PALM2AKAP2: variants seen among roughly 807,000 people sequenced by gnomAD.
PALM2AKAP2 encodes PALM2 and AKAP2 fusion.
A neutral mutation model predicts 71.5 loss-of-function variants in PALM2AKAP2; 37 were observed. That is an observed-to-expected ratio of 0.52 (90% CI 0.40 to 0.68). PALM2AKAP2 has a LOEUF of 0.68. Among genes scored for constraint, PALM2AKAP2 ranks in the 30% least tolerant of loss-of-function variants. The pLI, the probability that PALM2AKAP2 is intolerant of heterozygous loss-of-function variation, is 0.00. For synonymous variants in PALM2AKAP2, 468 were observed against 478.8 expected, an observed-to-expected ratio of 0.98 and a Z score of 0.29; for missense variants, 1,224 against 1,191.8, an observed-to-expected ratio of 1.03 and a Z score of -0.40.
chr9:110,074,303 A>G (rs1306303690), intron 1 of PALM2AKAP2, among the ~76,000 whole-genome samples: 1 of 152,182 alleles, frequency 6.6e-6, no homozygotes, highest in Non-Finnish European at 1.5e-5. Context: ...TCTAGGCAAT[A>G]TGGTGAGAGC....
At chr9:110,115,286 C>A (rs1835338905) in intron 1 of PALM2AKAP2, among the ~76,000 whole-genome samples, 1 of 152,174 alleles carries the variant, frequency 6.6e-6, no homozygotes, top group Admixed American at 6.5e-5. Context: ...AGGGCTGGGG[C>A]AGAATCACAG....
At chr9:110,049,689 G>A (rs963571784) in intron 1 of PALM2AKAP2, among the ~76,000 whole-genome samples, 4 of 152,200 alleles carry the variant, frequency 2.6e-5, no homozygotes, top group Non-Finnish European at 5.9e-5. Flanking sequence ...CCGTGGAGGC[G>A]ACGCGCCTGC....
intron 6 of PALM2AKAP2, among the ~76,000 whole-genome samples, chr9:109,999,077 G>A (rs539003708): frequency 1.4e-4 from 22 of 152,206 alleles, no homozygotes; most frequent in Admixed American, 2.0e-4. Flanking sequence ...GGTGGCTCAC[G>A]CCTGTAATCT....
At chr9:109,982,744 C>T (rs1050439536) in intron 6 of PALM2AKAP2, among the ~76,000 whole-genome samples, 2 of 152,168 alleles carry the variant, frequency 1.3e-5, no homozygotes, top group African/African-American at 2.4e-5. Context: ...CCAGCTTCAG[C>T]CTCCCAAGTA....
chr9:109,952,387 T>C (rs2132083208), intron 6 of PALM2AKAP2, among the ~76,000 whole-genome samples: 1 of 152,356 alleles, frequency 6.6e-6, no homozygotes, highest in East Asian at 1.9e-4. Flanking sequence ...GAAAATGGTT[T>C]TCTTTGAGGA....
chr9:110,162,546 G>A (rs1375715147), intron 3 of PALM2AKAP2, among the ~76,000 whole-genome samples: 3 of 152,168 alleles, frequency 2.0e-5, no homozygotes, highest in Non-Finnish European at 4.4e-5. Flanking sequence ...CCCATTCTTT[G>A]TTTACCTTAA....
intron 6 of PALM2AKAP2, among the ~76,000 whole-genome samples, chr9:109,990,084 T>TC (rs1832450102): frequency 8.1e-6 from 1 of 124,076 alleles, no homozygotes; most frequent in African/African-American, 2.6e-5. Context: ...TTTTTTTTTT[T>TC]CTTTTGTGGC....
chr9:109,970,061 C>T (rs1832036351), intron 6 of PALM2AKAP2, among the ~76,000 whole-genome samples: 1 of 152,170 alleles, frequency 6.6e-6, no homozygotes, highest in African/African-American at 2.4e-5. Flanking sequence ...TCCCTCTGTT[C>T]TCAGGGATGC....
At chr9:109,733,771 T>A (rs1248165381) in intron 1 of PALM2AKAP2, among the ~76,000 whole-genome samples, 1 of 152,232 alleles carries the variant, frequency 6.6e-6, no homozygotes, top group Non-Finnish European at 1.5e-5. Flanking sequence ...GGATTCTTTT[T>A]TCTTTTTACT....
At chr9:110,146,023 C>T (rs1018220743) in intron 2 of PALM2AKAP2, among the ~76,000 whole-genome samples, 7 of 151,172 alleles carry the variant, frequency 4.6e-5, no homozygotes, top group South Asian at 4.2e-4. Context: ...CTCAGCCTCC[C>T]GAGTAGCTGG....
chr9:110,039,969 AG>A (rs1833483280), intron 7 of PALM2AKAP2, among the ~76,000 whole-genome samples: 1 of 152,008 alleles, frequency 6.6e-6, no homozygotes, highest in Non-Finnish European at 1.5e-5. Flanking sequence ...GAAGGGAGGG[AG>A]GGAAGGAAGG....
intron 6 of PALM2AKAP2, among the ~76,000 whole-genome samples, chr9:110,004,009 G>A (rs979654206): frequency 6.6e-6 from 1 of 152,042 alleles, no homozygotes; most frequent in African/African-American, 2.4e-5. Context: ...TCTTTTAATT[G>A]GAGCATTTAG....
intron 6 of PALM2AKAP2, among the ~76,000 whole-genome samples, chr9:109,970,966 C>A (rs1832054338): frequency 6.6e-6 from 1 of 152,050 alleles, no homozygotes; most frequent in African/African-American, 2.4e-5. Flanking sequence ...AAAAAATTAT[C>A]TGGGCATGGT....
intron 6 of PALM2AKAP2, among the ~76,000 whole-genome samples, chr9:110,000,853 TG>T (rs1441773785): frequency 1.3e-5 from 2 of 152,226 alleles, no homozygotes; most frequent in Non-Finnish European, 2.9e-5. Context: ...CACTTGTTGA[TG>T]GGGTTGTTTG....
At chr9:109,767,059 G>A (rs544174718) in intron 1 of PALM2AKAP2, among the ~76,000 whole-genome samples, 2 of 152,298 alleles carry the variant, frequency 1.3e-5, no homozygotes, top group South Asian at 2.1e-4. Flanking sequence ...ACCGATATGA[G>A]TTAGGCACTA....
At position 110,101,857 on chromosome 9, in the gene PALM2AKAP2, C is replaced by A. The variant is rs140527764; in HGVS notation, c.157-34270C>A. ...TTCCTTTTGGATATAACATATGACC[C>A]ACTTACGAGGCAGCCTGTTGGATCA... On this transcript the variant is annotated intron_variant, in intron 1 of 3. Transcript: ENST00000374525. Among the ~76,000 whole-genome samples, 857 of 152,326 alleles carry A rather than the reference C, an allele frequency of 5.6e-3. 10 individuals carry two copies. Among genetic ancestry groups the A allele is most frequent in the Non-Finnish European group, 8.6e-3 (587 of 68,030 alleles).
At chr9:109,706,303 A>AT (rs150858595) in intron 1 of PALM2AKAP2, among the ~76,000 whole-genome samples, 6,511 of 151,738 alleles carry the variant, frequency 0.043, 185 homozygotes, top group Non-Finnish European at 0.054. Flanking sequence ...TGAATTCAGG[A>AT]TTATTTTTTT....
At chr9:110,069,479 C>T (rs1215339729) in intron 1 of PALM2AKAP2, among the ~76,000 whole-genome samples, 1 of 152,162 alleles carries the variant, frequency 6.6e-6, no homozygotes, top group African/African-American at 2.4e-5. Context: ...CACTCCATGT[C>T]ATTCTTGTGG....
intron 3 of PALM2AKAP2, among the ~76,000 whole-genome samples, chr9:109,922,702 C>T (rs575052824): frequency 1.3e-5 from 2 of 152,284 alleles, no homozygotes; most frequent in East Asian, 1.9e-4. Context: ...TCAGTGCCAT[C>T]CTACTCTGCC....
Sources: allele counts gnomAD v4.1 joint callset (sites outside exome capture counted in the v4.1 genomes callset), GRCh38; gene constraint gnomAD v4.1.1; transcripts MANE v1.5; gene names NCBI Gene and HGNC (gene_info 2026-07-23, HGNC 2026-07-21).